Variants in APBB2 observed in about 807,000 individuals in gnomAD.
APBB2 encodes the protein amyloid beta precursor protein binding family B member 2, also known as Fe65-like 1.
A neutral mutation model predicts 82.5 loss-of-function variants in APBB2; 38 were observed. The observed-to-expected ratio is 0.46, with a 90% CI of 0.36 to 0.60. The LOEUF is 0.60. APBB2 is among the 20% of genes least tolerant of loss of function. The pLI is 0.00. For missense variants in APBB2, 772 were observed against 972.3 expected, an observed-to-expected ratio of 0.79 and a Z score of 2.74; for synonymous variants, 341 against 368.2, an observed-to-expected ratio of 0.93 and a Z score of 0.85.
intron 10 of APBB2, among the ~76,000 whole-genome samples, chr4:40,932,747 AACGAAAATGC>A (rs768733885): frequency 6.6e-4 from 100 of 152,356 alleles, no homozygotes; most frequent in South Asian, 1.5e-3. Context: ...AAAAATGCAA[AACGAAAATGC>A]AAGCCCCCGC....
chr4:41,203,985 T>A (rs1777330648), intron 1 of APBB2, among the ~76,000 whole-genome samples: 1 of 151,780 alleles, frequency 6.6e-6, no homozygotes, highest in Admixed American at 6.6e-5. Flanking sequence ...AAATTTTCAG[T>A]GAGCCTGCCC....
At chr4:40,870,404 C>T (rs1486343962) in intron 12 of APBB2, among the ~76,000 whole-genome samples, 1 of 152,220 alleles carries the variant, frequency 6.6e-6, no homozygotes, top group African/African-American at 2.4e-5. Flanking sequence ...GGTTCCAAAG[C>T]TTCCATCTCT....
chr4:40,834,687 C>T (rs1433604983), intron 12 of APBB2, among the ~76,000 whole-genome samples: 1 of 151,984 alleles, frequency 6.6e-6, no homozygotes, highest in Non-Finnish European at 1.5e-5. Context: ...CAAGGGAAGG[C>T]GGGAGGCACT....
chr4:41,055,062 T>A (rs532902206), intron 4 of APBB2, among the ~76,000 whole-genome samples: 1 of 152,230 alleles, frequency 6.6e-6, no homozygotes, highest in South Asian at 2.1e-4. Flanking sequence ...TCCCACCAGG[T>A]CCCACCACAC....
chr4:40,985,951 G>C (rs1304496804), intron 6 of APBB2, among the ~76,000 whole-genome samples: 1 of 152,150 alleles, frequency 6.6e-6, no homozygotes, highest in East Asian at 1.9e-4. Context: ...TTCAACTCCG[G>C]TAATAGGTTG....
intron 3 of APBB2, among the ~76,000 whole-genome samples, chr4:41,067,411 C>CA (rs1170369678): frequency 0.1 from 11,112 of 107,752 alleles, 559 homozygotes; most frequent in Non-Finnish European, 0.14. Flanking sequence ...AACTCCGTCT[C>CA]AAAAAAAAAA....
At chr4:40,827,710 G>A (rs564924570) in intron 13 of APBB2, among the ~76,000 whole-genome samples, 2 of 152,294 alleles carry the variant, frequency 1.3e-5, no homozygotes, top group South Asian at 4.1e-4. Flanking sequence ...CACTGCACAC[G>A]GAGGTGGTTA....
chr4:40,874,962 A>G (rs973283226), intron 12 of APBB2, among the ~76,000 whole-genome samples: 1 of 152,346 alleles, frequency 6.6e-6, no homozygotes, highest in East Asian at 1.9e-4. Flanking sequence ...GTAAAGAAAA[A>G]AAATCAAAAA....
intron 10 of APBB2, among the ~76,000 whole-genome samples, chr4:40,918,989 C>T (rs201928007): frequency 1.3e-5 from 2 of 151,928 alleles, no homozygotes; most frequent in East Asian, 3.9e-4. Flanking sequence ...GTATAAAACC[C>T]CTGTGACTAA....
chr4:41,170,780 T>C (rs1000523683), intron 1 of APBB2, among the ~76,000 whole-genome samples: 1 of 152,194 alleles, frequency 6.6e-6, no homozygotes, highest in Non-Finnish European at 1.5e-5. Flanking sequence ...ACAATGATTA[T>C]ATAAGATATT....
chr4:40,812,628 G>C lies in APBB2; in HGVS notation c.*3464C>G, dbSNP rs373305052. 1.4e-4 allele frequency: 1 copy of C among 7,236 alleles called. No individual in the cohort carries two copies. Among genetic ancestry groups the C allele is most frequent in the Non-Finnish European group, 3.4e-4 (1 of 2,922 alleles). 0.4% of individuals were successfully genotyped at this position (7,236 alleles called of 1,614,324 possible). A position where few individuals can be genotyped will look rare whatever the true frequency, so the allele number is the denominator to read the frequency against. On this transcript the variant is annotated 3_prime_UTR_variant, in exon 18 of 18. Coordinates refer to ENST00000508593, the MANE Select transcript of APBB2 (RefSeq NM_004307.2). Reference sequence around the variant, plus strand: ...TGTCATGTTGTGGTGAAATCTTGAGGAGTTTGTGTTGCAATGCCTGGGACA... The same window carrying C: ...TGTCATGTTGTGGTGAAATCTTGAGCAGTTTGTGTTGCAATGCCTGGGACA...
At chr4:40,907,407 A>G in intron 10 of APBB2, among the ~76,000 whole-genome samples, 1 of 117,868 alleles carries the variant, frequency 8.5e-6, no homozygotes, top group South Asian at 2.6e-4. Context: ...TTTTAGACAG[A>G]GTCTCACTCT....
intron 3 of APBB2, among the ~76,000 whole-genome samples, chr4:41,095,875 A>G (rs1355524450): frequency 6.6e-6 from 1 of 152,114 alleles, no homozygotes; most frequent in East Asian, 1.9e-4. Context: ...ATGGCTATTT[A>G]TTGTTTAGAA....
At chr4:41,074,114 A>C (rs1579792680) in intron 3 of APBB2, among the ~76,000 whole-genome samples, 1 of 152,242 alleles carries the variant, frequency 6.6e-6, no homozygotes, top group Admixed American at 6.5e-5. Context: ...TGACAGAGCA[A>C]GACCATCTCT....
chr4:41,134,272 G>A (rs908341229), intron 2 of APBB2, among the ~76,000 whole-genome samples: 1 of 151,944 alleles, frequency 6.6e-6, no homozygotes, highest in African/African-American at 2.4e-5. Flanking sequence ...GTGAGCCATC[G>A]TGCCCAGCCA....
rs768813900 is a variant in APBB2 at position 40,821,958 on chromosome 4, G to A, written c.2025C>T (p.Asp675=). ...KDVHTFAFIM[D]TGNQRFECHV... ...GGCACTCAAAGCGCTGGTTCCCCGT[G>A]TCCATGATGAAGGCAAATGTGTGGA... Residue 675 remains aspartate, a synonymous_variant, in exon 17 of 18, where the codon GAC becomes GAT. Transcript: ENST00000508593. The A allele has an allele frequency of 1.2e-6, 2 of 1,614,144 alleles. No individual in the cohort carries two copies. Among genetic ancestry groups the A allele is most frequent in the Non-Finnish European group, 8.5e-7 (1 of 1,180,046 alleles).
intron 6 of APBB2, among the ~76,000 whole-genome samples, chr4:41,005,589 C>G (rs541597055): frequency 6.6e-6 from 1 of 152,302 alleles, no homozygotes; most frequent in South Asian, 2.1e-4. Flanking sequence ...CATCACCTGG[C>G]ACTTCTGAGA....
intron 12 of APBB2, among the ~76,000 whole-genome samples, chr4:40,856,190 A>G (rs1761132604): frequency 1.3e-5 from 2 of 152,222 alleles, no homozygotes; most frequent in African/African-American, 2.4e-5. Flanking sequence ...AAAGAAAAAG[A>G]CTAATGGGAT....
In APBB2 at chr4:40,845,395, G is replaced by A. The variant is rs1343201693; in HGVS notation, c.1530-14818C>T. 2.6e-5 allele frequency among the ~76,000 whole-genome samples: 4 copies of A among 151,986 alleles called. No individual in the cohort carries two copies. The East Asian group carries it at 5.8e-4, about 22-fold the overall frequency. ...CCTTCTCGCTGTACAAGATGCCAGT[G>A]GGAAGAATTAAACCCCAAGATTAAT... On this transcript the variant is annotated intron_variant, in intron 12 of 17. Transcript: ENST00000508593.
Sources: gnomAD v4.1 joint callset for allele counts (sites outside exome capture counted in the v4.1 genomes callset) on GRCh38, gnomAD v4.1.1 for gene constraint, MANE v1.5 for transcripts, NCBI Gene and HGNC (gene_info 2026-07-23, HGNC 2026-07-21) for gene names.